The following RP1 variants were observed in gnomAD, a reference collection of about 807,000 sequenced individuals.
The protein encoded by RP1 is oxygen-regulated protein 1.
RP1 carries 16 observed loss-of-function variants against 14.8 expected under a neutral mutation model. The observed-to-expected ratio is 1.08, with a 90% CI of 0.73 to 1.65. The LOEUF is 1.65. Among genes scored for constraint, RP1 ranks in the 40% most tolerant of loss-of-function variants. The probability of loss-of-function intolerance (pLI) is 0.00; values close to 1 mark genes in which losing one functional copy is unlikely to be tolerated. For missense variants in RP1, 2,631 were observed against 2,535.0 expected (o/e 1.04, Z -0.81); for synonymous variants, 876 against 883.6 (o/e 0.99, Z 0.15).
At position 54,696,640 on chromosome 8, in the gene RP1, G is replaced by A. The variant is rs558358999; in HGVS notation, c.1718-2827G>A. 293 of 829,682 alleles carry A rather than the reference G, an allele frequency of 3.5e-4. No individual in the cohort carries two copies. In the African/African-American group the frequency reaches 4.6e-3, roughly 13 times the overall value. 51.4% of individuals were successfully genotyped at this position (829,682 alleles called of 1,614,324 possible). ...AAGTGAAACCTCATGCCTTAGAATT[G>A]CCAGATAAACATTCCTTGGCCTTTG... On this transcript the variant is annotated intron_variant, in intron 12 of 22. Transcript: ENST00000636932.
intron 25 of RP1, among the ~76,000 whole-genome samples, chr8:54,841,977 T>C (rs989493954): frequency 1.3e-5 from 2 of 152,212 alleles, no homozygotes; most frequent in East Asian, 3.9e-4. Flanking sequence ...TACCATCATA[T>C]TTGAAATATG....
chr8:54,814,576 G>T (rs1221820575), intron 24 of RP1, among the ~76,000 whole-genome samples: 1 of 152,156 alleles, frequency 6.6e-6, no homozygotes, highest in African/African-American at 2.4e-5. Context: ...CAGCATCTCT[G>T]CAAGGAACAC....
chr8:54,661,256 A>T (rs539978239), intron 6 of RP1, among the ~76,000 whole-genome samples: 3 of 145,060 alleles, frequency 2.1e-5, no homozygotes, highest in East Asian at 3.9e-4. Flanking sequence ...AATGATATAT[A>T]AATGATATAT....
chr8:54,767,201 A>G (rs1197226789), intron 22 of RP1, among the ~76,000 whole-genome samples: 1 of 152,150 alleles, frequency 6.6e-6, no homozygotes, highest in African/African-American at 2.4e-5. Flanking sequence ...TTAATTCTGT[A>G]TCCTTTGTAT....
intron 6 of RP1, among the ~76,000 whole-genome samples, chr8:54,657,336 A>C (rs1806776833): frequency 6.6e-6 from 1 of 152,090 alleles, no homozygotes; most frequent in Non-Finnish European, 1.5e-5. Flanking sequence ...AAGAAGGCAC[A>C]CTCTACAAAT....
intron 1 of RP1, among the ~76,000 whole-genome samples, chr8:54,584,812 A>G (rs1332290292): frequency 6.6e-6 from 1 of 152,196 alleles, no homozygotes; most frequent in African/African-American, 2.4e-5. Flanking sequence ...ATCTGAGACT[A>G]AGATTGCAAC....
intron 13 of RP1, among the ~76,000 whole-genome samples, chr8:54,700,211 AT>A (rs397958968): frequency 2.7e-3 from 387 of 144,542 alleles, no homozygotes; most frequent in Middle Eastern, 0.011. Context: ...CTATACAATA[AT>A]TTTTTTTTTT....
intron 1 of RP1, among the ~76,000 whole-genome samples, chr8:54,596,477 C>T (rs577033946): frequency 2.1e-4 from 32 of 152,280 alleles, no homozygotes; most frequent in African/African-American, 7.7e-4. Flanking sequence ...ATTCTGATCC[C>T]TCTCCAAATT....
At chr8:54,737,091 A>G (rs1318554619) in intron 18 of RP1, among the ~76,000 whole-genome samples, 1 of 152,128 alleles carries the variant, frequency 6.6e-6, no homozygotes, top group African/African-American at 2.4e-5. Flanking sequence ...TTTGAGGACA[A>G]TGTGGGATAT....
intron 3 of RP1, among the ~76,000 whole-genome samples, chr8:54,642,905 C>T (rs754555196): frequency 2.6e-5 from 4 of 152,026 alleles, no homozygotes; most frequent in Non-Finnish European, 5.9e-5. Context: ...ATTTTTGTCA[C>T]TCTGATAGAT....
chr8:54,712,552 A>T, intron 15 of RP1, among the ~76,000 whole-genome samples: 1 of 152,162 alleles, frequency 6.6e-6, no homozygotes, highest in East Asian at 1.9e-4. Context: ...GAGCACTCTG[A>T]GCCTACCTCC....
exon 16 of RP1, chr8:54,720,134 A>G (rs1353677992): frequency 6.5e-6 from 10 of 1,533,036 alleles, no homozygotes; most frequent in Non-Finnish European, 8.7e-6. Context: ...TGTAGGGTAC[A>G]GGAGATGTTG....
At chr8:54,796,692 CCCAGAGTCT>C (rs906147607) in intron 24 of RP1, among the ~76,000 whole-genome samples, 14 of 152,128 alleles carry the variant, frequency 9.2e-5, no homozygotes, top group African/African-American at 3.4e-4. Flanking sequence ...AAGGATTCCA[CCCAGAGTCT>C]CAGAGGGAGT....
intron 3 of RP1, among the ~76,000 whole-genome samples, chr8:54,646,887 A>G (rs1168499282): frequency 6.6e-6 from 1 of 152,200 alleles, no homozygotes; most frequent in Non-Finnish European, 1.5e-5. Context: ...TTCAAACAAG[A>G]ACTAACATAC....
At chr8:54,631,212 G>A (rs1806240312), downstream of RP1, among the ~76,000 whole-genome samples, 1 of 152,146 alleles carries the variant, frequency 6.6e-6, no homozygotes, top group Admixed American at 6.5e-5. Flanking sequence ...TTCAGCATGA[G>A]TCATAAATTC....
At chr8:54,788,298 T>C (rs971040892) in intron 24 of RP1, among the ~76,000 whole-genome samples, 1 of 152,182 alleles carries the variant, frequency 6.6e-6, no homozygotes, top group South Asian at 2.1e-4. Flanking sequence ...AGAATGTTTA[T>C]CTGGGTCTTT....
intron 22 of RP1, chr8:54,759,208 C>A: frequency 1.2e-6 from 1 of 855,282 alleles, no homozygotes; most frequent in Non-Finnish European, 1.7e-6. Context: ...TTCATTAACT[C>A]AGATTCCACA....
At chr8:54,573,523 G>A (rs1203661339) in intron 1 of RP1, among the ~76,000 whole-genome samples, 1 of 152,134 alleles carries the variant, frequency 6.6e-6, no homozygotes, top group Non-Finnish European at 1.5e-5. Flanking sequence ...AGGGAGACGA[G>A]CTCTCAATAC....
intron 15 of RP1, among the ~76,000 whole-genome samples, chr8:54,708,119 C>A (rs1051191404): frequency 1.3e-5 from 2 of 152,138 alleles, no homozygotes; most frequent in African/African-American, 4.8e-5. Context: ...CTGGGGCTCG[C>A]AGGAGTGTTC....
Sources: allele counts gnomAD v4.1 joint callset (sites outside exome capture counted in the v4.1 genomes callset), GRCh38; gene constraint gnomAD v4.1.1; transcripts MANE v1.5; gene names NCBI Gene and HGNC (gene_info 2026-07-23, HGNC 2026-07-21).